The following SEMA6A variants were observed in gnomAD, a reference collection of about 807,000 sequenced individuals.
The protein encoded by SEMA6A is semaphorin 6A, also known as semaphorin-6A.
Under a neutral mutation model 96.8 loss-of-function variants are expected in SEMA6A, and 25 were observed. The ratio of observed to expected loss-of-function variants is 0.26; its 90% CI spans 0.19 to 0.36. The LOEUF (loss-of-function observed/expected upper bound fraction) is 0.36. Ranked by LOEUF, SEMA6A falls within the 10% of genes least tolerant of loss-of-function variation. The probability of loss-of-function intolerance (pLI) is 1.00; values close to 1 mark genes in which losing one functional copy is unlikely to be tolerated. For missense variants in SEMA6A, 1,363 were observed against 1,323.1 expected, an observed-to-expected ratio of 1.03 and a Z score of -0.47; for synonymous variants, 612 against 518.0, an observed-to-expected ratio of 1.18 and a Z score of -2.46.
intron 9 of SEMA6A, among the ~76,000 whole-genome samples, chr5:116,487,858 C>G (rs938653606): frequency 6.6e-6 from 1 of 151,892 alleles, no homozygotes; most frequent in Non-Finnish European, 1.5e-5. Context: ...AGTAAGACTC[C>G]GTCTCAAAAA....
chr5:116,567,732 C>G (rs1331700679), intron 1 of SEMA6A, among the ~76,000 whole-genome samples: 2 of 152,194 alleles, frequency 1.3e-5, no homozygotes, highest in Admixed American at 1.3e-4. Flanking sequence ...TTCCCTCCAA[C>G]GGTCCCTTCA....
chr5:116,465,939 A>C (rs1755704055), intron 18 of SEMA6A, among the ~76,000 whole-genome samples: 1 of 151,920 alleles, frequency 6.6e-6, no homozygotes, highest in African/African-American at 2.4e-5. Context: ...ATAACAAATA[A>C]TGGCATATGC....
chr5:116,519,971 T>C (rs182259767), intron 1 of SEMA6A, among the ~76,000 whole-genome samples: 13 of 152,298 alleles, frequency 8.5e-5, no homozygotes, highest in African/African-American at 3.1e-4. Context: ...TAGATCATGT[T>C]ATGTCCTCCC....
intron 9 of SEMA6A, 96 bp from the exon 10 acceptor site, chr5:116,487,062 C>G: frequency 1.3e-6 from 1 of 790,210 alleles, no homozygotes; most frequent in Non-Finnish European, 2.1e-6. Flanking sequence ...AACAAAACAA[C>G]AAGGTGCTTA....
At position 116,445,957 on chromosome 5, in the gene SEMA6A, AG is replaced by A. The variant is rs2112564819; in HGVS notation, c.*655del. The A allele has an allele frequency of 6.5e-6, 1 of 152,790 alleles. No homozygotes were observed. The highest frequency in any genetic ancestry group is 2.1e-4 in the South Asian group (1 of 4,832). 9.5% of individuals were successfully genotyped at this position (152,790 alleles called of 1,614,324 possible). On this transcript the variant is annotated 3_prime_UTR_variant, in exon 19 of 19. Coordinates refer to ENST00000343348, the MANE Select transcript of SEMA6A (RefSeq NM_020796.5). ...CGGTCACGTTATTTCATTAAAAGAG[AG>A]GAGGAGCAGAAATCTATGACATAGT...
At chr5:116,510,312 A>G (rs772626663) in intron 1 of SEMA6A, among the ~76,000 whole-genome samples, 1 of 152,160 alleles carries the variant, frequency 6.6e-6, no homozygotes, top group African/African-American at 2.4e-5. Flanking sequence ...GGACCTCATC[A>G]TCTTTGTCTG....
At chr5:116,540,661 A>ATATTTCC (rs1759922122) in intron 1 of SEMA6A, among the ~76,000 whole-genome samples, 1 of 152,098 alleles carries the variant, frequency 6.6e-6, no homozygotes, top group African/African-American at 2.4e-5. Context: ...AGCATCCCTC[A>ATATTTCC]TATTTCCTAT....
chr5:116,453,164 G>C (rs995533992), intron 18 of SEMA6A, among the ~76,000 whole-genome samples: 2 of 152,162 alleles, frequency 1.3e-5, no homozygotes, highest in African/African-American at 4.8e-5. Context: ...CTCCCTTCTA[G>C]TCTGTTAGGC....
chr5:116,460,628 A>G (rs1755324710), intron 18 of SEMA6A, among the ~76,000 whole-genome samples: 1 of 152,154 alleles, frequency 6.6e-6, no homozygotes, highest in South Asian at 2.1e-4. Context: ...AATATTAAAA[A>G]TATTATTCAG....
intron 16 of SEMA6A, among the ~76,000 whole-genome samples, chr5:116,474,385 C>G (rs1222554293): frequency 6.6e-6 from 1 of 151,900 alleles, no homozygotes; most frequent in African/African-American, 2.4e-5. Flanking sequence ...AAACATCAAA[C>G]TATTTCCCTG....
chr5:116,534,191 A>G (rs17140046), intron 1 of SEMA6A, among the ~76,000 whole-genome samples: 2,486 of 152,324 alleles, frequency 0.016, 21 homozygotes, highest in Middle Eastern at 0.048. Flanking sequence ...ACTGGATCCT[A>G]TGGCTTTATC....
rs3984966 is a variant in SEMA6A at position 116,448,755 on chromosome 5, C to CAAAAAAA, written c.1895-951_1895-945dup. 5.8e-4 allele frequency among the ~76,000 whole-genome samples: 62 copies of CAAAAAAA among 106,464 alleles called. 1 individual carries two copies. Among genetic ancestry groups the CAAAAAAA allele is most frequent in the African/African-American group, 2.0e-3 (55 of 27,792 alleles). 69.8% of individuals were successfully genotyped at this position (106,464 alleles called of 152,430 possible). On this transcript the variant is annotated intron_variant, in intron 18 of 18. Transcript: ENST00000343348. ...TTTGTGCTGATTTTGCATCACCTCT[C>CAAAAAAA]AAAAAAAAAAAAAAAAAAAAACAGT...
intron 1 of SEMA6A, among the ~76,000 whole-genome samples, chr5:116,526,933 C>T (rs1251966668): frequency 2.0e-5 from 3 of 152,104 alleles, no homozygotes; most frequent in Admixed American, 6.6e-5. Context: ...GAGGGCACAG[C>T]TTAAGTGCAT....
intron 13 of SEMA6A, 89 bp downstream of exon 13, chr5:116,478,453 A>AC: frequency 1.5e-6 from 2 of 1,333,254 alleles, no homozygotes; most frequent in Non-Finnish European, 2.0e-6. Flanking sequence ...AATGCATAAA[A>AC]CCTCAGTCGG....
At chr5:116,550,112 C>G (rs558570921) in intron 1 of SEMA6A, 1 of 152,252 alleles carries the variant, frequency 6.6e-6, no homozygotes, top group South Asian at 2.1e-4. Flanking sequence ...CACTTTAAAT[C>G]ACAGTCATTG....
chr5:116,487,091 G>T, intron 9 of SEMA6A, 125 bp from the exon 10 acceptor site: 10 of 500,294 alleles, frequency 2.0e-5, no homozygotes, highest in Admixed American at 3.7e-5. Flanking sequence ...TCTAAAATCA[G>T]TAACAAAAAA....
chr5:116,490,604 C>G (rs1044736177), intron 7 of SEMA6A, among the ~76,000 whole-genome samples: 3 of 152,178 alleles, frequency 2.0e-5, no homozygotes, highest in Non-Finnish European at 2.9e-5. Context: ...CTCAGTAATC[C>G]TGTGCTCTCA....
At chr5:116,467,835 G>C in intron 17 of SEMA6A, 88 bp from the exon 18 acceptor site, 1 of 1,411,698 alleles carries the variant, frequency 7.1e-7, no homozygotes. Flanking sequence ...GGACACCCAA[G>C]CTGGCTGTAA....
chr5:116,493,316 A>T (rs578182235), intron 6 of SEMA6A, among the ~76,000 whole-genome samples: 1 of 152,336 alleles, frequency 6.6e-6, no homozygotes, highest in African/African-American at 2.4e-5. Context: ...AAACAATGAC[A>T]AACAGGGATG....
Sources: allele counts gnomAD v4.1 joint callset (sites outside exome capture counted in the v4.1 genomes callset), GRCh38; gene constraint gnomAD v4.1.1; transcripts MANE v1.5; gene names NCBI Gene and HGNC (gene_info 2026-07-23, HGNC 2026-07-21).